Variants in TOMM20L observed in about 807,000 individuals in gnomAD.
TOMM20L encodes the protein translocase of outer mitochondrial membrane 20 like.
TOMM20L carries 19 observed loss-of-function variants against 20.4 expected under a neutral mutation model. The ratio of observed to expected loss-of-function variants is 0.93; its 90% CI spans 0.65 to 1.36. The LOEUF (loss-of-function observed/expected upper bound fraction) is 1.36, where lower values mean the gene tolerates loss of function less well. Ranked by LOEUF, TOMM20L falls within the 40% of genes most tolerant of loss-of-function variation. TOMM20L has a pLI of 0.00. For missense variants in TOMM20L, 218 were observed against 203.7 expected, an observed-to-expected ratio of 1.07 and a Z score of -0.43; for synonymous variants, 75 against 79.6, an observed-to-expected ratio of 0.94 and a Z score of 0.30.
chr14:58,399,632 A>G (rs930169998), intron 2 of TOMM20L, among the ~76,000 whole-genome samples: 1 of 151,174 alleles, frequency 6.6e-6, no homozygotes, highest in African/African-American at 2.4e-5. Flanking sequence ...CAAATGTACT[A>G]CTCTAGACCT....
downstream of TOMM20L, chr14:58,409,041 G>A: frequency 6.2e-7 from 1 of 1,612,068 alleles, no homozygotes; most frequent in Non-Finnish European, 8.5e-7. Flanking sequence ...TCTCTATCGT[G>A]GTTGGCCAAG....
downstream of TOMM20L, chr14:58,408,769 C>G: frequency 1.4e-6 from 1 of 702,856 alleles, no homozygotes; most frequent in South Asian, 2.3e-5. Flanking sequence ...GTTTATTTTT[C>G]TAATCAAGTG....
intron 4 of TOMM20L, among the ~76,000 whole-genome samples, chr14:58,407,967 C>T (rs1166253876): frequency 6.6e-6 from 1 of 152,156 alleles, no homozygotes; most frequent in African/African-American, 2.4e-5. Flanking sequence ...CTTTGGTTCC[C>T]TTTTTATCAT....
At chr14:58,401,851 C>A (rs1250350345) in intron 2 of TOMM20L, among the ~76,000 whole-genome samples, 1 of 152,154 alleles carries the variant, frequency 6.6e-6, no homozygotes, top group African/African-American at 2.4e-5. Context: ...CTGCCAACCC[C>A]CAACCAGGTC....
At chr14:58,403,654 C>T (rs530585649) in intron 3 of TOMM20L, among the ~76,000 whole-genome samples, 1 of 151,918 alleles carries the variant, frequency 6.6e-6, no homozygotes, top group South Asian at 2.1e-4. Context: ...CTGGCTAACA[C>T]GGTGAAACCC....
intron 2 of TOMM20L, among the ~76,000 whole-genome samples, chr14:58,399,138 G>C (rs1254043078): frequency 1.3e-5 from 2 of 152,154 alleles, no homozygotes; most frequent in Non-Finnish European, 2.9e-5. Context: ...TGCCGGCCTT[G>C]GCCTCCTGAA....
chr14:58,415,365 A>T, the TOMM20L span, among the ~76,000 whole-genome samples: 1 of 152,208 alleles, frequency 6.6e-6, no homozygotes, highest in Non-Finnish European at 1.5e-5. Context: ...AAACTGAATT[A>T]AAAAAAGACA....
chr14:58,405,855 C>T (rs995079630), intron 3 of TOMM20L, among the ~76,000 whole-genome samples: 1 of 152,188 alleles, frequency 6.6e-6, no homozygotes, highest in African/African-American at 2.4e-5. Flanking sequence ...ACTTATATTG[C>T]AGTTCTCGGT....
downstream of TOMM20L, chr14:58,409,218 T>C (rs1057302087): frequency 1.3e-6 from 2 of 1,593,796 alleles, no homozygotes; most frequent in African/African-American, 1.4e-5. Flanking sequence ...ATATGAATTT[T>C]TTAAAATGCA....
At chr14:58,404,120 T>TATATATATATA (rs1255379682) in intron 3 of TOMM20L, among the ~76,000 whole-genome samples, 1 of 3,404 alleles carries the variant, frequency 2.9e-4, no homozygotes, top group African/African-American at 5.0e-4. Flanking sequence ...TATATATATA[T>TATATATATATA]TTTTTTTTTT....
chr14:58,395,954 T>C lies in TOMM20L; in HGVS notation c.-4T>C, dbSNP rs772657276. 7.1e-7 allele frequency: 1 copy of C among 1,406,690 alleles called. No homozygotes were observed. Among genetic ancestry groups the C allele is most frequent in the Non-Finnish European group, 9.3e-7 (1 of 1,074,718 alleles). 87.1% of individuals were successfully genotyped at this position (1,406,690 alleles called of 1,614,324 possible). A position where few individuals can be genotyped will look rare whatever the true frequency, so the allele number is the denominator to read the frequency against. ...CGCTCGGCTTGTGGGACGCCCGCGGTCGGATGCCCTCCGTCCGCTCCCTCC... is the reference window on the plus strand; with the variant it reads ...CGCTCGGCTTGTGGGACGCCCGCGGCCGGATGCCCTCCGTCCGCTCCCTCC... On this transcript the variant is annotated 5_prime_UTR_variant, in exon 1 of 5. Transcript: ENST00000360945.
intron 2 of TOMM20L, among the ~76,000 whole-genome samples, chr14:58,398,097 G>T (rs577700472): frequency 1.3e-5 from 2 of 152,172 alleles, no homozygotes. Flanking sequence ...AGTGTCCAAA[G>T]AGCTGGACAT....
chr14:58,396,256 G>C, intron 1 of TOMM20L, 42 bp from the exon 2 acceptor site: 2 of 1,611,180 alleles, frequency 1.2e-6, no homozygotes, highest in Non-Finnish European at 1.7e-6. Context: ...GCGTGCCTCT[G>C]GACGGGCCTC....
intron 3 of TOMM20L, 107 bp from the exon 4 acceptor site, chr14:58,407,219 A>G (rs1450664884): frequency 1.9e-6 from 2 of 1,066,566 alleles, no homozygotes; most frequent in East Asian, 2.5e-5. Flanking sequence ...AGTAGTCTTT[A>G]GTTGGATATG....
At chr14:58,412,463 A>G (rs994839273), downstream of TOMM20L, among the ~76,000 whole-genome samples, 5 of 152,152 alleles carry the variant, frequency 3.3e-5, no homozygotes, top group African/African-American at 1.2e-4. Context: ...TTCTAATGCT[A>G]GTTTGGGACT....
chr14:58,401,290 G>C (rs901223158), intron 2 of TOMM20L, among the ~76,000 whole-genome samples: 20 of 151,420 alleles, frequency 1.3e-4, no homozygotes, highest in Middle Eastern at 3.2e-3. Context: ...GGTGACCCCT[G>C]GCTGGGCATG....
chr14:58,404,190 C>T (rs1280518827), intron 3 of TOMM20L, among the ~76,000 whole-genome samples: 81 of 108,504 alleles, frequency 7.5e-4, no homozygotes, highest in Middle Eastern at 5.4e-3. Flanking sequence ...AGTGCAGTGG[C>T]GGGATCTCGG....
intron 2 of TOMM20L, among the ~76,000 whole-genome samples, chr14:58,402,226 A>C (rs1029546443): frequency 1.5e-4 from 23 of 152,188 alleles, no homozygotes; most frequent in African/African-American, 5.3e-4. Flanking sequence ...AAATATTATA[A>C]AGAACAACTA....
At chr14:58,404,020 T>A (rs1475145346) in intron 3 of TOMM20L, among the ~76,000 whole-genome samples, 3 of 139,748 alleles carry the variant, frequency 2.1e-5, no homozygotes, top group East Asian at 4.1e-4. Context: ...TCTTGAGGTT[T>A]CTTAATTTAA....
Sources: allele counts gnomAD v4.1 joint callset (sites outside exome capture counted in the v4.1 genomes callset), GRCh38; gene constraint gnomAD v4.1.1; transcripts MANE v1.5; gene names NCBI Gene and HGNC (gene_info 2026-07-23, HGNC 2026-07-21).